The following WWOX variants were observed in gnomAD, a reference collection of about 807,000 sequenced individuals.
WWOX encodes the protein WW domain-containing oxidoreductase.
WWOX carries 69 observed loss-of-function variants against 46.2 expected under a neutral mutation model. That is an observed-to-expected ratio of 1.49 (90% CI 1.23 to 1.82). The LOEUF (loss-of-function observed/expected upper bound fraction) is 1.82, where lower values mean the gene tolerates loss of function less well. WWOX is among the 40% of genes most tolerant of loss of function. The pLI is 0.00. For missense variants in WWOX, 919 were observed against 542.6 expected, an observed-to-expected ratio of 1.69 and a Z score of -6.89; for synonymous variants, 359 against 202.6, an observed-to-expected ratio of 1.77 and a Z score of -6.56.
chr16:78,650,532 A>T (rs939257224), intron 8 of WWOX, among the ~76,000 whole-genome samples: 1 of 152,206 alleles, frequency 6.6e-6, no homozygotes, highest in Non-Finnish European at 1.5e-5. Context: ...CCCGAGTCGT[A>T]TGAATCCAGG....
chr16:78,127,568 A>G (rs1286979403), intron 4 of WWOX, among the ~76,000 whole-genome samples: 2 of 151,752 alleles, frequency 1.3e-5, no homozygotes, highest in Non-Finnish European at 2.9e-5. Flanking sequence ...GTCAAGGAAC[A>G]AAAAGGGATA....
intron 8 of WWOX, among the ~76,000 whole-genome samples, chr16:78,505,659 C>G (rs138274736): frequency 6.6e-6 from 1 of 152,268 alleles, no homozygotes; most frequent in East Asian, 1.9e-4. Flanking sequence ...GCTGGGAAGT[C>G]TGGCTAGCAA....
At chr16:78,388,190 C>T (rs1006399615) in intron 6 of WWOX, among the ~76,000 whole-genome samples, 1 of 152,150 alleles carries the variant, frequency 6.6e-6, no homozygotes, top group Non-Finnish European at 1.5e-5. Flanking sequence ...GCCACCATGG[C>T]CTGCTAATTT....
chr16:78,484,249 C>G (rs2084572083), intron 8 of WWOX, among the ~76,000 whole-genome samples: 3 of 152,092 alleles, frequency 2.0e-5, no homozygotes. Flanking sequence ...CTCTTTAGGC[C>G]TTGGCATATA....
At chr16:79,056,212 G>C (rs928867384) in intron 8 of WWOX, among the ~76,000 whole-genome samples, 1 of 80,216 alleles carries the variant, frequency 1.2e-5, no homozygotes, top group African/African-American at 7.1e-5. Flanking sequence ...GCTGTCACTA[G>C]ACCAAAAAAA....
intron 8 of WWOX, among the ~76,000 whole-genome samples, chr16:78,454,890 C>T (rs768398377): frequency 2.6e-5 from 4 of 152,206 alleles, no homozygotes; most frequent in South Asian, 2.1e-4. Flanking sequence ...TTCACCACCC[C>T]GCTAGATCAC....
At chr16:78,476,539 A>G (rs1253725539) in intron 8 of WWOX, among the ~76,000 whole-genome samples, 1 of 152,070 alleles carries the variant, frequency 6.6e-6, no homozygotes, top group Non-Finnish European at 1.5e-5. Flanking sequence ...ACACCAACAC[A>G]GCACATGTCT....
intron 8 of WWOX, among the ~76,000 whole-genome samples, chr16:78,625,042 G>C (rs1032550945): frequency 2.0e-5 from 3 of 152,148 alleles, no homozygotes; most frequent in South Asian, 2.1e-4. Context: ...TTGGGAAGAG[G>C]TGTCTTCCCT....
intron 8 of WWOX, among the ~76,000 whole-genome samples, chr16:79,059,646 C>A (rs1054824880): frequency 8.5e-5 from 13 of 152,162 alleles, no homozygotes; most frequent in African/African-American, 3.1e-4. Flanking sequence ...AGGCGCATGC[C>A]ACCATGCCCG....
chr16:78,850,714 A>G (rs2052421532), intron 8 of WWOX, among the ~76,000 whole-genome samples: 1 of 152,112 alleles, frequency 6.6e-6, no homozygotes, highest in African/African-American at 2.4e-5. Context: ...CTGCCTGTGA[A>G]CCAGGGGTGT....
At chr16:78,351,230 C>G (rs936307391) in intron 5 of WWOX, among the ~76,000 whole-genome samples, 8 of 152,220 alleles carry the variant, frequency 5.3e-5, no homozygotes, top group East Asian at 1.9e-4. Flanking sequence ...CCAACAAACA[C>G]TGCTCCCCGA....
chr16:78,703,910 A>G (rs1423236379), intron 8 of WWOX, among the ~76,000 whole-genome samples: 5 of 152,012 alleles, frequency 3.3e-5, no homozygotes, highest in African/African-American at 4.8e-5. Flanking sequence ...GAGTTTTGGA[A>G]CTTATTATTT....
chr16:78,757,548 C>A (rs925853268), intron 8 of WWOX, among the ~76,000 whole-genome samples: 1 of 152,092 alleles, frequency 6.6e-6, no homozygotes, highest in African/African-American at 2.4e-5. Context: ...CCATTTAACC[C>A]AGTTAACTCT....
intron 5 of WWOX, chr16:78,355,863 A>C: frequency 1.7e-6 from 1 of 590,466 alleles, no homozygotes; most frequent in Admixed American, 2.1e-5. Context: ...TACGGAAAAC[A>C]GGAGACTTTG....
chr16:78,842,826 G>A (rs1192304150), intron 8 of WWOX, among the ~76,000 whole-genome samples: 4 of 133,752 alleles, frequency 3.0e-5, no homozygotes, highest in Non-Finnish European at 3.5e-5. Flanking sequence ...CACACCAGCC[G>A]GGGGTGACAG....
At chr16:78,761,831 C>G (rs79329521) in intron 8 of WWOX, among the ~76,000 whole-genome samples, 1 of 152,104 alleles carries the variant, frequency 6.6e-6, no homozygotes, top group Non-Finnish European at 1.5e-5. Flanking sequence ...TGCAGTAAAG[C>G]TGACCCGACA....
intron 8 of WWOX, among the ~76,000 whole-genome samples, chr16:78,863,577 A>T (rs2043939381): frequency 6.6e-6 from 1 of 152,160 alleles, no homozygotes; most frequent in Admixed American, 6.5e-5. Flanking sequence ...CCTTTGTGAG[A>T]AGGGCCTAAG....
chr16:78,824,079 C>G (rs1392342903), intron 8 of WWOX, among the ~76,000 whole-genome samples: 1 of 152,008 alleles, frequency 6.6e-6, no homozygotes, highest in Non-Finnish European at 1.5e-5. Flanking sequence ...TTTTATTTTT[C>G]TAGTACTTTA....
At chr16:78,815,196 A>G (rs2051297939) in intron 8 of WWOX, among the ~76,000 whole-genome samples, 1 of 152,068 alleles carries the variant, frequency 6.6e-6, no homozygotes, top group East Asian at 1.9e-4. Flanking sequence ...ATGGTGGCAC[A>G]CACCTGTAAT....
Sources: allele counts gnomAD v4.1 joint callset (sites outside exome capture counted in the v4.1 genomes callset), GRCh38; gene constraint gnomAD v4.1.1; transcripts MANE v1.5; gene names NCBI Gene and HGNC (gene_info 2026-07-23, HGNC 2026-07-21).